KIRREL3: variants seen among roughly 807,000 people sequenced by gnomAD.
The protein encoded by KIRREL3 is kirre like nephrin family adhesion molecule 3.
In KIRREL3, 36 loss-of-function variants were observed where a neutral mutation model predicts 89.7. The observed-to-expected ratio is 0.40, with a 90% CI of 0.31 to 0.53. KIRREL3 has a LOEUF of 0.53. KIRREL3 is among the 20% of genes least tolerant of loss of function. The pLI, the probability that KIRREL3 is intolerant of heterozygous loss-of-function variation, is 0.49. For missense variants in KIRREL3, 864 were observed against 1,056.6 expected, an observed-to-expected ratio of 0.82 and a Z score of 2.53; for synonymous variants, 445 against 441.4, an observed-to-expected ratio of 1.01 and a Z score of -0.10.
At chr11:126,901,987 G>C (rs1204218313) in intron 1 of KIRREL3, among the ~76,000 whole-genome samples, 4 of 152,146 alleles carry the variant, frequency 2.6e-5, no homozygotes, top group Admixed American at 2.6e-4. Flanking sequence ...AGGGTCATAG[G>C]GCTGGGCCCT....
intron 1 of KIRREL3, among the ~76,000 whole-genome samples, chr11:126,853,528 T>C (rs1016298707): frequency 2.9e-4 from 44 of 152,232 alleles, no homozygotes; most frequent in Non-Finnish European, 8.8e-5. Context: ...GTTATTTTTA[T>C]CATTTTGTCA....
Position 126,651,808 on chromosome 11 carries a change from A to T in KIRREL3, c.56-88896T>A, listed in dbSNP as rs1199115975. ...TAGGAATGATTATACCAGAGAACCC[A>T]ATAAATGAGAAGTTTTGGAGACAGC... On this transcript the variant is annotated intron_variant, in intron 1 of 16. Coordinates refer to ENST00000525144, the MANE Select transcript of KIRREL3 (RefSeq NM_032531.4). The surrounding 1 kb of genome is among the most constrained non-coding windows in gnomAD (Gnocchi z 4.6). 6.6e-6 allele frequency among the ~76,000 whole-genome samples: 1 copy of T among 152,254 alleles called. No homozygotes were observed. Among genetic ancestry groups the T allele is most frequent in the Non-Finnish European group, 1.5e-5 (1 of 68,050 alleles).
intron 1 of KIRREL3, among the ~76,000 whole-genome samples, chr11:126,799,119 TGTGTGC>T (rs1950908889): frequency 1.4e-5 from 2 of 141,702 alleles, no homozygotes; most frequent in South Asian, 4.7e-4. Context: ...TGTGTATCTG[TGTGTGC>T]GTGTGCATGT....
rs61710829 is a variant in KIRREL3 at position 126,696,662 on chromosome 11, C to G, written c.56-133750G>C. Among the ~76,000 whole-genome samples the G allele has an allele frequency of 0.37, 56,597 of 152,090 alleles. 13,038 individuals carry two copies. Among genetic ancestry groups the G allele is most frequent in the East Asian group, 0.82 (4,225 of 5,136 alleles). ...ACAGTACCGAAAGGGTGGCTCAAAC[C>G]ACATCGCATGGCTCATAAGGCCCTT... On this transcript the variant is annotated intron_variant, in intron 1 of 16. Coordinates refer to ENST00000525144, the MANE Select transcript of KIRREL3 (RefSeq NM_032531.4). This position sits in a 1 kb window ranked among gnomAD's most constrained non-coding sequence, Gnocchi z 4.4.
Position 126,562,717 on chromosome 11 carries a change from C to T in KIRREL3, c.133+118G>A. 1.3e-6 allele frequency: 1 copy of T among 757,028 alleles called. No homozygotes were observed. Among genetic ancestry groups the T allele is most frequent in the Non-Finnish European group, 2.2e-6 (1 of 456,888 alleles). 46.9% of individuals were successfully genotyped at this position (757,028 alleles called of 1,614,324 possible). A position where few individuals can be genotyped will look rare whatever the true frequency, so the allele number is the denominator to read the frequency against. On this transcript the variant is annotated intron_variant, in intron 2 of 16. Coordinates refer to ENST00000525144, the MANE Select transcript of KIRREL3 (RefSeq NM_032531.4). This position sits in a 1 kb window ranked among gnomAD's most constrained non-coding sequence, Gnocchi z 4.7. ...TTCATGGAAACCAAACTGGTCTTCC[C>T]ACTGTCCCCTTCTGAGAGGTCCCAG...
intron 6 of KIRREL3, among the ~76,000 whole-genome samples, chr11:126,456,656 G>A (rs1345355523): frequency 6.6e-6 from 1 of 152,190 alleles, no homozygotes; most frequent in African/African-American, 2.4e-5. Flanking sequence ...GGGCCTCCCC[G>A]TGGACTTGGG....
Position 126,562,977 on chromosome 11 carries a change from T to C in KIRREL3, c.56-65A>G. ...CAGGTCAGGCATTGTTGGGGGGCCC[T>C]CTGCAGGGGGCTGTGGAGCTTGTTG... On this transcript the variant is annotated intron_variant, in intron 1 of 16. Transcript: ENST00000525144. This position sits in a 1 kb window ranked among gnomAD's most constrained non-coding sequence, Gnocchi z 4.7. 1.7e-6 allele frequency: 2 copies of C among 1,186,714 alleles called. No individual in the cohort carries two copies. The highest frequency in any genetic ancestry group is 2.5e-6 in the Non-Finnish European group (2 of 800,662). The allele number at this position is 1,186,714 out of a possible 1,614,324, so 73.5% of individuals were successfully genotyped here.
At position 126,535,507 on chromosome 11, in the gene KIRREL3, C is replaced by A. The variant is rs1004881249; in HGVS notation, c.134-8820G>T. 2.6e-5 allele frequency among the ~76,000 whole-genome samples: 4 copies of A among 152,104 alleles called. No homozygotes were observed. The highest frequency in any genetic ancestry group is 4.8e-5 in the African/African-American group (2 of 41,408). On this transcript the variant is annotated intron_variant, in intron 2 of 16. Coordinates refer to ENST00000525144, the MANE Select transcript of KIRREL3 (RefSeq NM_032531.4). The surrounding 1 kb of genome is among the most constrained non-coding windows in gnomAD (Gnocchi z 4.5). ...GGAAGAGTCATTTTGCCATGGAAGG[C>A]GCAGATTACAAGGGCCACGTCACTC...
chr11:126,885,797 T>A (rs1945672432), intron 1 of KIRREL3, among the ~76,000 whole-genome samples: 1 of 152,190 alleles, frequency 6.6e-6, no homozygotes, highest in South Asian at 2.1e-4. Flanking sequence ...TGCTGTCTAA[T>A]TCTAGGGTAC....
intron 2 of KIRREL3, among the ~76,000 whole-genome samples, chr11:126,559,152 C>T (rs145273366): frequency 6.6e-6 from 1 of 152,294 alleles, no homozygotes; most frequent in East Asian, 1.9e-4. Flanking sequence ...GGCTGTAGCA[C>T]TGGAACTGGA....
chr11:126,911,713 G>A (rs1946823673), intron 1 of KIRREL3, among the ~76,000 whole-genome samples: 1 of 152,334 alleles, frequency 6.6e-6, no homozygotes, highest in South Asian at 2.1e-4. Flanking sequence ...TCCGGGCACG[G>A]TGGCTCACGC....
rs775590036 is a variant in KIRREL3, at chr11:126,909,107, C to T, written c.55+91348G>A. Among the ~76,000 whole-genome samples, 17 of 152,012 alleles carry T rather than the reference C, an allele frequency of 1.1e-4. No homozygotes were observed. Among genetic ancestry groups the T allele is most frequent in the South Asian group, 2.1e-4 (1 of 4,808 alleles). On this transcript the variant is annotated intron_variant, in intron 1 of 16. Coordinates refer to ENST00000525144, the MANE Select transcript of KIRREL3 (RefSeq NM_032531.4). The surrounding 1 kb of genome is among the most constrained non-coding windows in gnomAD (Gnocchi z 4.5). Reference sequence around the variant, plus strand: ...CATCTCTGAAGGTGCAGAACCCAGGCGACACAGGGGGCCAACTGTAATTGC... The same window carrying T: ...CATCTCTGAAGGTGCAGAACCCAGGTGACACAGGGGGCCAACTGTAATTGC...
chr11:126,808,527 T>C lies in KIRREL3; in HGVS notation c.55+191928A>G, dbSNP rs1029776900. On this transcript the variant is annotated intron_variant, in intron 1 of 16. Coordinates refer to ENST00000525144, the MANE Select transcript of KIRREL3 (RefSeq NM_032531.4). This position sits in a 1 kb window ranked among gnomAD's most constrained non-coding sequence, Gnocchi z 4.1. ...GAGGCAGCAGACTCCACAGGCTTAC[T>C]GCAGGGCTATACAAAAAGGTATTTT... Among the ~76,000 whole-genome samples, 3 of 152,218 alleles carry C rather than the reference T, an allele frequency of 2.0e-5. No individual in the cohort carries two copies. Among genetic ancestry groups the C allele is most frequent in the African/African-American group, 7.2e-5 (3 of 41,456 alleles).
chr11:126,541,456 CA>C lies in KIRREL3; in HGVS notation c.134-14770del, dbSNP rs1938360462. Among the ~76,000 whole-genome samples the C allele has an allele frequency of 6.6e-6, 1 of 152,158 alleles. No homozygotes were observed. Among genetic ancestry groups the C allele is most frequent in the African/African-American group, 2.4e-5 (1 of 41,422 alleles). On this transcript the variant is annotated intron_variant, in intron 2 of 16. Coordinates refer to ENST00000525144, the MANE Select transcript of KIRREL3 (RefSeq NM_032531.4). The surrounding 1 kb of genome is among the most constrained non-coding windows in gnomAD (Gnocchi z 4.8). ...AAATCAAGGTGCAAAGAAGTGAAAG[CA>C]AGTCTCTCAAGGACACTTGGCCTTT...
rs1318739277 is a variant in KIRREL3, at chr11:126,709,482, T to C, written c.56-146570A>G. 6.6e-6 allele frequency among the ~76,000 whole-genome samples: 1 copy of C among 152,214 alleles called. No individual in the cohort carries two copies. Among genetic ancestry groups the C allele is most frequent in the East Asian group, 1.9e-4 (1 of 5,196 alleles). On this transcript the variant is annotated intron_variant, in intron 1 of 16. Coordinates refer to ENST00000525144, the MANE Select transcript of KIRREL3 (RefSeq NM_032531.4). The surrounding 1 kb of genome is among the most constrained non-coding windows in gnomAD (Gnocchi z 4.0). ...CAGTGGTAGGGAGTAGGTTGAACTG[T>C]GTCCCCAACATTCATATGCCCCAAT... is the stretch of plus-strand genomic sequence containing the variant.
chr11:126,770,230 C>T (rs1292071604), intron 1 of KIRREL3, among the ~76,000 whole-genome samples: 1 of 152,182 alleles, frequency 6.6e-6, no homozygotes, highest in East Asian at 1.9e-4. Flanking sequence ...GCAGAATCTA[C>T]CCGTTCACAT....
intron 2 of KIRREL3, among the ~76,000 whole-genome samples, chr11:126,538,958 T>C (rs1729068900): frequency 6.6e-6 from 1 of 152,132 alleles, no homozygotes; most frequent in Non-Finnish European, 1.5e-5. Context: ...ATGGCCAGGA[T>C]GAAGACAAGG....
intron 3 of KIRREL3, among the ~76,000 whole-genome samples, chr11:126,524,391 C>T (rs564468948): frequency 6.6e-6 from 1 of 152,272 alleles, no homozygotes; most frequent in Non-Finnish European, 1.5e-5. Context: ...TATCTGGACC[C>T]TTTGGGGTTA....
intron 6 of KIRREL3, among the ~76,000 whole-genome samples, chr11:126,456,887 T>A (rs1325768104): frequency 1.3e-5 from 2 of 152,224 alleles, no homozygotes; most frequent in Non-Finnish European, 2.9e-5. Flanking sequence ...CTGGGGCATT[T>A]GTTAACTTGA....
Sources: allele counts gnomAD v4.1 joint callset (sites outside exome capture counted in the v4.1 genomes callset), GRCh38; gene constraint gnomAD v4.1.1; non-coding constraint Gnocchi (gnomAD v3.1); transcripts MANE v1.5; gene names NCBI Gene and HGNC (gene_info 2026-07-23, HGNC 2026-07-21).